The following SNX27 variants were observed in gnomAD, a reference collection of about 807,000 sequenced individuals.
SNX27 encodes sorting nexin-27.
A neutral mutation model predicts 71.6 loss-of-function variants in SNX27; 22 were observed. The observed-to-expected ratio is 0.31, with a 90% CI of 0.22 to 0.44. The LOEUF (loss-of-function observed/expected upper bound fraction) is 0.44. Among genes scored for constraint, SNX27 ranks in the 20% least tolerant of loss-of-function variants. The pLI is 1.00. For synonymous variants in SNX27, 269 were observed against 277.2 expected, an observed-to-expected ratio of 0.97 and a Z score of 0.29; for missense variants, 531 against 698.6, an observed-to-expected ratio of 0.76 and a Z score of 2.70.
chr1:151,619,964 G>T (rs1318399851), intron 1 of SNX27, among the ~76,000 whole-genome samples: 2 of 152,194 alleles, frequency 1.3e-5, no homozygotes, highest in East Asian at 3.8e-4. Flanking sequence ...AAGTATAGAG[G>T]CAGGAGTGAA....
chr1:151,658,662 GT>G (rs200607360), intron 3 of SNX27, among the ~76,000 whole-genome samples: 3,062 of 152,136 alleles, frequency 0.02, 105 homozygotes, highest in African/African-American at 0.069. Context: ...TGAATATTTA[GT>G]TTTTGATGCA....
rs148585844 is a variant in SNX27, at chr1:151,625,020, G to A, written c.311+12508G>A. ...AGCATTCTTTGTAAATAGAACACCC[G>A]GTCAAAGGTAAAAAGTCCCAGTGAT... On this transcript the variant is annotated intron_variant, in intron 1 of 11. Coordinates refer to ENST00000458013, the MANE Select transcript of SNX27 (RefSeq NM_001330723.2). Among the ~76,000 whole-genome samples, 249 of 152,184 alleles carry A rather than the reference G, an allele frequency of 1.6e-3. 1 individual carries two copies. The highest frequency in any genetic ancestry group is 5.6e-3 in the African/African-American group (231 of 41,524).
intron 8 of SNX27, among the ~76,000 whole-genome samples, chr1:151,684,546 T>C (rs1307710980): frequency 6.6e-6 from 1 of 152,230 alleles, no homozygotes; most frequent in Non-Finnish European, 1.5e-5. Flanking sequence ...TTCTACTCAT[T>C]ATAACATTTT....
chr1:151,674,687 T>A (rs1047710485), intron 7 of SNX27, among the ~76,000 whole-genome samples: 4 of 151,744 alleles, frequency 2.6e-5, no homozygotes, highest in Non-Finnish European at 5.9e-5. Flanking sequence ...AGAATTTGAT[T>A]GTTTCTTTTT....
intron 1 of SNX27, among the ~76,000 whole-genome samples, chr1:151,617,849 G>C (rs1434097631): frequency 1.3e-5 from 2 of 148,340 alleles, no homozygotes; most frequent in Non-Finnish European, 3.0e-5. Context: ...TTGGATTCTA[G>C]ATCTTGAATA....
At chr1:151,687,067 C>G (rs988490208) in intron 8 of SNX27, among the ~76,000 whole-genome samples, 9 of 152,160 alleles carry the variant, frequency 5.9e-5, no homozygotes, top group African/African-American at 2.2e-4. Flanking sequence ...GACTGAATCT[C>G]AAATTTGGAT....
chr1:151,684,880 C>T (rs1451483499), intron 8 of SNX27, among the ~76,000 whole-genome samples: 1 of 151,950 alleles, frequency 6.6e-6, no homozygotes, highest in Non-Finnish European at 1.5e-5. Flanking sequence ...GTGATCTCAG[C>T]TCACTGCAAC....
intron 2 of SNX27, among the ~76,000 whole-genome samples, chr1:151,650,088 A>G (rs1004310775): frequency 6.6e-6 from 1 of 152,004 alleles, no homozygotes; most frequent in Admixed American, 6.6e-5. Context: ...GGGTTTTACC[A>G]TGTTGGTCAG....
At chr1:151,658,113 A>G in intron 2 of SNX27, 122 bp from the exon 3 acceptor site, 1 of 837,494 alleles carries the variant, frequency 1.2e-6, no homozygotes, top group Non-Finnish European at 1.8e-6. Flanking sequence ...GTGAGCTTGA[A>G]TATAGTCTTT....
At chr1:151,617,498 G>A (rs1667473760) in intron 1 of SNX27, among the ~76,000 whole-genome samples, 1 of 152,200 alleles carries the variant, frequency 6.6e-6, no homozygotes, top group Admixed American at 6.5e-5. Flanking sequence ...AGGCCAGGCT[G>A]GTCTCAAACT....
Position 151,692,406 on chromosome 1 carries a change from C to CT in SNX27, c.1240-3dup, listed in dbSNP as rs61159507. 0.077 allele frequency: 65,728 copies of CT among 853,860 alleles called. 9,657 individuals are homozygous for CT. Among genetic ancestry groups the CT allele is most frequent in the African/African-American group, 0.095 (3,269 of 34,462 alleles). 52.9% of individuals were successfully genotyped at this position (853,860 alleles called of 1,614,324 possible). A position where few individuals can be genotyped will look rare whatever the true frequency, so the allele number is the denominator to read the frequency against. On this transcript the variant is annotated intron_variant, in intron 8 of 11. Transcript: ENST00000458013. ...TAACCCTGTTTCCTGTTTCTCCTTC[C>CT]TTTTTTTTTTTTTTTTTTTTTTTTT...
intron 8 of SNX27, among the ~76,000 whole-genome samples, chr1:151,683,839 G>T (rs1312802275): frequency 6.6e-6 from 1 of 152,084 alleles, no homozygotes; most frequent in African/African-American, 2.4e-5. Context: ...GCTAATTTTT[G>T]TATTTGTAGT....
chr1:151,663,016 C>T (rs1487459327), intron 5 of SNX27, among the ~76,000 whole-genome samples: 1 of 152,074 alleles, frequency 6.6e-6, no homozygotes, highest in African/African-American at 2.4e-5. Context: ...ATTATCAAAC[C>T]TTAAAAATTA....
intron 1 of SNX27, among the ~76,000 whole-genome samples, chr1:151,623,720 A>G (rs1161982055): frequency 6.6e-6 from 1 of 151,972 alleles, no homozygotes; most frequent in Admixed American, 6.6e-5. Context: ...TCTAACATTT[A>G]TTGTCCTCCA....
chr1:151,694,036 A>G lies in SNX27; in HGVS notation c.1579-334A>G, dbSNP rs1589433. On this transcript the variant is annotated intron_variant, in intron 11 of 11. Coordinates refer to ENST00000458013, the MANE Select transcript of SNX27 (RefSeq NM_001330723.2). ...GGTCAAGTCAAGAACATGAAAATTTATATTTTAGTACAGTAGAAAGAACAT... is the reference window on the plus strand; with the variant it reads ...GGTCAAGTCAAGAACATGAAAATTTGTATTTTAGTACAGTAGAAAGAACAT... 4,991 of 1,214,680 alleles carry G rather than the reference A, an allele frequency of 4.1e-3. 162 individuals are homozygous for G. In the African/African-American group the frequency reaches 0.067, roughly 16 times the overall value. 75.2% of individuals were successfully genotyped at this position (1,214,680 alleles called of 1,614,324 possible). A position where few individuals can be genotyped will look rare whatever the true frequency, so the allele number is the denominator to read the frequency against.
intron 7 of SNX27, among the ~76,000 whole-genome samples, chr1:151,674,323 A>G (rs1670571227): frequency 6.6e-6 from 1 of 152,162 alleles, no homozygotes; most frequent in Non-Finnish European, 1.5e-5. Context: ...CAAAAAGAAA[A>G]CGAATAAAGG....
chr1:151,631,483 T>C (rs1249644788), intron 1 of SNX27, among the ~76,000 whole-genome samples: 1 of 152,202 alleles, frequency 6.6e-6, no homozygotes, highest in East Asian at 1.9e-4. Context: ...AGAAACAATT[T>C]GTAATCTTCG....
At chr1:151,693,869 G>T in intron 11 of SNX27, 1 of 1,408,648 alleles carries the variant, frequency 7.1e-7, no homozygotes, top group Non-Finnish European at 9.2e-7. Context: ...AGTCTTTCTA[G>T]GCGAACCAAG....
chr1:151,680,381 C>A (rs1670886597), intron 7 of SNX27: 1 of 152,246 alleles, frequency 6.6e-6, no homozygotes, highest in Non-Finnish European at 1.5e-5. Context: ...GTCTTGAACT[C>A]CTGACCTCAA....
Sources: allele counts gnomAD v4.1 joint callset (sites outside exome capture counted in the v4.1 genomes callset), GRCh38; gene constraint gnomAD v4.1.1; transcripts MANE v1.5; gene names NCBI Gene and HGNC (gene_info 2026-07-23, HGNC 2026-07-21).